The following ECI2 variants were observed in gnomAD, a reference collection of about 807,000 sequenced individuals.
ECI2 encodes D3,D2-enoyl-CoA isomerase.
ECI2 carries 27 observed loss-of-function variants against 38.4 expected under a neutral mutation model. The observed-to-expected ratio is 0.70, with a 90% CI of 0.52 to 0.97. The LOEUF (loss-of-function observed/expected upper bound fraction) is 0.97, where lower values mean the gene tolerates loss of function less well. Among genes scored for constraint, ECI2 ranks in the 50% least tolerant of loss-of-function variants. The probability of loss-of-function intolerance (pLI) is 0.00; values close to 1 mark genes in which losing one functional copy is unlikely to be tolerated. For missense variants in ECI2, 470 were observed against 474.4 expected, an observed-to-expected ratio of 0.99 and a Z score of 0.09; for synonymous variants, 168 against 172.0, an observed-to-expected ratio of 0.98 and a Z score of 0.18.
rs1427331054 is a variant in ECI2 at position 4,117,351 on chromosome 6, T to G, written c.986A>C (p.Glu329Ala). The G allele has an allele frequency of 1.9e-6, 3 of 1,613,964 alleles. No individual in the cohort carries two copies. Among genetic ancestry groups the G allele is most frequent in the Admixed American group, 1.7e-5 (1 of 60,010 alleles). ...EVFPDSTFQKEVWTRLKAFAK... is the reference protein window; with the variant it reads ...EVFPDSTFQKAVWTRLKAFAK... ...AAATGCCTTCAGCCTGGTCCAGACT[T>G]CTTTCTGAAAAGTGCTATCAGGGAA... Residue 329 changes from glutamate (E) to alanine (A), a missense_variant, in exon 9 of 10, where the codon GAA (glutamate) becomes GCA (alanine). Glu to Ala is a moderately radical substitution (Grantham distance 107). Coordinates refer to ENST00000380118, the MANE Select transcript of ECI2 (RefSeq NM_206836.3).
Position 4,117,316 on chromosome 6 carries a change from G to A in ECI2, c.1021C>T (p.Pro341Ser). 1 of 1,597,990 alleles carries A rather than the reference G, an allele frequency of 6.3e-7. No individual in the cohort carries two copies. The highest frequency in any genetic ancestry group is 8.5e-7 in the Non-Finnish European group (1 of 1,175,848). ...AAAAGATGAATACTAACATTTGGGG[G>A]AAGCTTTGCAAATGCCTTCAGCCTG... ...WTRLKAFAKL[P>S]PNALRISKEV... is the part of the protein sequence containing the mutation. The change falls in exon 9 of 10, where the codon CCC (proline) becomes TCC (serine). Residue 341 changes from proline (P) to serine (S), a missense_variant. By Grantham distance (74) the Pro-to-Ser change is moderately conservative (BLOSUM62 -1). Transcript: ENST00000380118.
At chr6:4,116,910 A>G (rs1033234849) in intron 9 of ECI2, among the ~76,000 whole-genome samples, 6 of 152,230 alleles carry the variant, frequency 3.9e-5, no homozygotes, top group Non-Finnish European at 8.8e-5. Flanking sequence ...TACATTTTGA[A>G]TAGCAAGAAT....
intron 2 of ECI2, 162 bp from the exon 3 acceptor site, chr6:4,131,027 T>C (rs1773482270): frequency 1.8e-6 from 1 of 555,272 alleles, no homozygotes; most frequent in Admixed American, 3.7e-5. Flanking sequence ...TTTGATGTTG[T>C]TGCCAAAAAT....
At chr6:4,127,501 G>C (rs1024229653) in intron 5 of ECI2, among the ~76,000 whole-genome samples, 1 of 129,706 alleles carries the variant, frequency 7.7e-6, no homozygotes, top group African/African-American at 2.9e-5. Context: ...TGCAAACTTT[G>C]CCTTCCAGGT....
At chr6:4,129,278 A>G (rs1005880753) in intron 4 of ECI2, among the ~76,000 whole-genome samples, 13 of 152,122 alleles carry the variant, frequency 8.5e-5, no homozygotes, top group Admixed American at 8.5e-4. Flanking sequence ...ATGCCCAGCT[A>G]ATTTTTTGTA....
intron 5 of ECI2, among the ~76,000 whole-genome samples, chr6:4,126,485 G>T (rs1773166950): frequency 1.3e-5 from 2 of 152,222 alleles, no homozygotes; most frequent in South Asian, 4.1e-4. Flanking sequence ...TACCAGGAGG[G>T]TTGGTCTAAT....
intron 2 of ECI2, 59 bp downstream of exon 2, chr6:4,133,486 GTATT>G: frequency 5.2e-6 from 8 of 1,541,006 alleles, no homozygotes; most frequent in African/African-American, 1.4e-5. Flanking sequence ...AACACACAGT[GTATT>G]TATTTAAGAA....
chr6:4,130,382 A>G lies in ECI2; in HGVS notation c.491T>C (p.Ile164Thr). 1.9e-6 allele frequency: 3 copies of G among 1,614,248 alleles called. No homozygotes were observed. The highest frequency in any genetic ancestry group is 2.5e-6 in the Non-Finnish European group (3 of 1,180,026). ...MFNRPKKKNA[I>T]NTEMYHEIMR... ...GGCAGGTAACATTACCTCAGTGTTT[A>G]TGGCATTTTTCTTTTTGGGCCGGTT... The change falls in exon 4 of 10, where the codon ATA becomes ACA. Residue 164 changes from isoleucine (I) to threonine (T), a missense_variant. Physicochemically the swap from Ile to Thr is moderately conservative, Grantham distance 89 (BLOSUM62 -1). Transcript: ENST00000380118.
chr6:4,125,365 A>G lies in ECI2; in HGVS notation c.680T>C (p.Phe227Ser), dbSNP rs1773079508. 1 of 1,613,982 alleles carries G rather than the reference A, an allele frequency of 6.2e-7. No individual in the cohort carries two copies. The highest frequency in any genetic ancestry group is 1.3e-5 in the African/African-American group (1 of 74,918). The part of the protein sequence containing the change: ...AKNNAVLLRE[F>S]VGCFIDFPKP... ...AGGAAAATCTATAAAACAGCCCACA[A>G]ATTCCCTACAGAAATGGAAACACAA... The change falls in exon 7 of 10, where the codon TTT becomes TCT. Residue 227 changes from phenylalanine (F) to serine (S), a missense_variant. Coordinates refer to ENST00000380118, the MANE Select transcript of ECI2 (RefSeq NM_206836.3).
At position 4,117,320 on chromosome 6, in the gene ECI2, C is replaced by G; in HGVS notation, c.1017G>C (p.Lys339Asn). The G allele has an allele frequency of 2.5e-6, 4 of 1,599,934 alleles. No homozygotes were observed. Among genetic ancestry groups the G allele is most frequent in the Non-Finnish European group, 3.4e-6 (4 of 1,176,374 alleles). The part of the protein sequence containing the change: ...EVWTRLKAFA[K>N]LPPNALRISK... ...GATGAATACTAACATTTGGGGGAAG[C>G]TTTGCAAATGCCTTCAGCCTGGTCC... The change falls in exon 9 of 10, where the codon AAG (lysine) becomes AAC (asparagine). Residue 339 changes from lysine to asparagine, a missense_variant. Physicochemically the swap from Lys to Asn is moderately conservative, Grantham distance 94 (BLOSUM62 0). Transcript: ENST00000380118.
chr6:4,125,436 C>T, intron 6 of ECI2, 66 bp from the exon 7 acceptor site: 1 of 1,596,552 alleles, frequency 6.3e-7, no homozygotes. Context: ...ATGGGCAAGA[C>T]AGTCTGACTC....
Position 4,119,236 on chromosome 6 carries a change from G to T in ECI2, c.835C>A (p.Pro279Thr). Residue 279 changes from proline (P) to threonine (T), a missense_variant, in exon 8 of 10, where the codon CCG (proline) becomes ACG (threonine). Transcript: ENST00000380118. ...AAAGTGTAAGAGGAGCATCCTTCCGGACTTTGGCCTAGGTGACTAAATGGT... is the reference window on the plus strand; with the variant it reads ...AAAGTGTAAGAGGAGCATCCTTCCGTACTTTGGCCTAGGTGACTAAATGGT... ...HTPFSHLGQSPEGCSSYTFPK... is the reference protein window; with the variant it reads ...HTPFSHLGQSTEGCSSYTFPK... 2 of 1,613,790 alleles carry T rather than the reference G, an allele frequency of 1.2e-6. No homozygotes were observed. Among genetic ancestry groups the T allele is most frequent in the South Asian group, 1.1e-5 (1 of 91,052 alleles).
chr6:4,125,322 C>T lies in ECI2; in HGVS notation c.723G>A (p.Val241=), dbSNP rs937249944. ...FIDFPKPLIA[V]VNGPAVGISV... ...AGATGCCCACAGCTGGACCATTGAC[C>T]ACTGCAATCAGAGGCTTAGGAAAAT... The change falls in exon 7 of 10, where the codon GTG becomes GTA. Residue 241 remains valine (V), a synonymous_variant. Transcript: ENST00000380118. 1.9e-5 allele frequency: 31 copies of T among 1,614,032 alleles called. No individual in the cohort carries two copies. The highest frequency in any genetic ancestry group is 1.6e-4 in the Middle Eastern group (1 of 6,082).
At chr6:4,121,118 T>C (rs1304065067) in intron 7 of ECI2, among the ~76,000 whole-genome samples, 2 of 152,244 alleles carry the variant, frequency 1.3e-5, no homozygotes, top group African/African-American at 4.8e-5. Flanking sequence ...TAAACCTAGC[T>C]ATTAAGTCTT....
At chr6:4,128,019 C>G (rs1773289068) in intron 4 of ECI2, among the ~76,000 whole-genome samples, 188 bp from the exon 5 acceptor site, 1 of 152,206 alleles carries the variant, frequency 6.6e-6, no homozygotes, top group South Asian at 2.1e-4. Context: ...TCACAGTTAC[C>G]TGGTGCATAT....
chr6:4,128,869 T>C (rs1179121492), intron 4 of ECI2, among the ~76,000 whole-genome samples: 3 of 152,210 alleles, frequency 2.0e-5, no homozygotes, highest in African/African-American at 7.2e-5. Flanking sequence ...ACGGAGGTCC[T>C]GGAACCAATC....
At chr6:4,127,338 T>G (rs1198716300) in intron 5 of ECI2, among the ~76,000 whole-genome samples, 1 of 151,916 alleles carries the variant, frequency 6.6e-6, no homozygotes, top group African/African-American at 2.4e-5. Flanking sequence ...GGTATCTGTG[T>G]TTTTTTAAAC....
Position 4,133,609 on chromosome 6 carries a change from T to G in ECI2, c.153A>C (p.Lys51Asn). 1 of 1,613,964 alleles carries G rather than the reference T, an allele frequency of 6.2e-7. No homozygotes were observed. The highest frequency in any genetic ancestry group is 1.1e-5 in the South Asian group (1 of 91,050). The change falls in exon 2 of 10, where the codon AAA (lysine) becomes AAC (asparagine). Residue 51 changes from lysine to asparagine, a missense_variant. Lys to Asn is a moderately conservative substitution (Grantham distance 94, BLOSUM62 0). Transcript: ENST00000380118. ...KDFENSMNQVKLLKKDPGNEV... is the reference protein window; with the variant it reads ...KDFENSMNQVNLLKKDPGNEV... ...CGTTTCCTGGATCCTTTTTCAAGAG[T>G]TTCACTTGATTCATTGAATTTTCAA...
chr6:4,121,903 T>A (rs912715578), intron 7 of ECI2: 1 of 1,105,888 alleles, frequency 9.0e-7, no homozygotes, highest in African/African-American at 1.6e-5. Context: ...ACAATATTTT[T>A]AAAAGTTTCT....
Sources: allele counts gnomAD v4.1 joint callset (sites outside exome capture counted in the v4.1 genomes callset), GRCh38; gene constraint gnomAD v4.1.1; transcripts MANE v1.5; gene names NCBI Gene and HGNC (gene_info 2026-07-23, HGNC 2026-07-21).